Variants in SAMD12 observed in about 807,000 individuals in gnomAD.
SAMD12 encodes sterile alpha motif domain containing 12.
A neutral mutation model predicts 15.0 loss-of-function variants in SAMD12; 9 were observed. The observed-to-expected ratio is 0.60, with a 90% confidence interval of 0.36 to 1.05. SAMD12 has a LOEUF of 1.05. Among genes scored for constraint, SAMD12 ranks in the 50% least tolerant of loss-of-function variants. The probability of loss-of-function intolerance (pLI) is 0.01; values close to 1 mark genes in which losing one functional copy is unlikely to be tolerated. For missense variants in SAMD12, 230 were observed against 234.2 expected, an observed-to-expected ratio of 0.98 and a Z score of 0.12; for synonymous variants, 86 against 90.1, an observed-to-expected ratio of 0.96 and a Z score of 0.25.
At chr8:118,480,126 C>G (rs574086911) in intron 2 of SAMD12, among the ~76,000 whole-genome samples, 12 of 152,198 alleles carry the variant, frequency 7.9e-5, no homozygotes, top group Non-Finnish European at 1.3e-4. Context: ...ATGGTTTTCT[C>G]TTTCATTCCA....
the SAMD12 span, among the ~76,000 whole-genome samples, chr8:118,180,059 CG>C: frequency 6.6e-6 from 1 of 152,164 alleles, no homozygotes; most frequent in Non-Finnish European, 1.5e-5. Context: ...CTCCCTCGGC[CG>C]GACTCAGTGC....
chr8:118,561,675 C>G (rs1478691114), intron 2 of SAMD12, among the ~76,000 whole-genome samples: 1 of 152,176 alleles, frequency 6.6e-6, no homozygotes, highest in African/African-American at 2.4e-5. Context: ...AGATAACCAT[C>G]CCCATGATTC....
chr8:118,580,671 G>A (rs751747854), intron 2 of SAMD12, 44 bp downstream of exon 2: 4 of 1,438,626 alleles, frequency 2.8e-6, no homozygotes, highest in Non-Finnish European at 2.9e-6. Context: ...ACATATAAAG[G>A]CTGCAGCTTT....
At chr8:118,143,705 G>A in the SAMD12 span, among the ~76,000 whole-genome samples, 1 of 152,108 alleles carries the variant, frequency 6.6e-6, no homozygotes, top group Non-Finnish European at 1.5e-5. Flanking sequence ...TTCTAGGCAC[G>A]GGCAAAGTGA....
intron 2 of SAMD12, among the ~76,000 whole-genome samples, chr8:118,538,988 T>A (rs907431421): frequency 6.6e-6 from 1 of 152,184 alleles, no homozygotes; most frequent in African/African-American, 2.4e-5. Flanking sequence ...ATTTCAGAGG[T>A]AGCAAATTAC....
At chr8:118,339,506 A>C (rs1817244101) in intron 4 of SAMD12, among the ~76,000 whole-genome samples, 1 of 152,232 alleles carries the variant, frequency 6.6e-6, no homozygotes, top group African/African-American at 2.4e-5. Context: ...ATCTCTGTTA[A>C]AAAATCAAGC....
chr8:118,474,501 C>T (rs1488553465), intron 2 of SAMD12, among the ~76,000 whole-genome samples: 1 of 152,080 alleles, frequency 6.6e-6, no homozygotes, highest in African/African-American at 2.4e-5. Context: ...CTACCTCAGC[C>T]TCCCGAGTAG....
At chr8:118,369,799 A>C (rs1158788070) in intron 4 of SAMD12, among the ~76,000 whole-genome samples, 2 of 152,154 alleles carry the variant, frequency 1.3e-5, no homozygotes, top group Non-Finnish European at 2.9e-5. Flanking sequence ...TAAATGTAAA[A>C]TCCCAAACTA....
chr8:118,548,792 ACGG>A (rs1826221616), intron 2 of SAMD12, among the ~76,000 whole-genome samples: 1 of 152,210 alleles, frequency 6.6e-6, no homozygotes, highest in Admixed American at 6.5e-5. Context: ...GGGGTGACAG[ACGG>A]CACCTGGAAA....
chr8:118,581,751 T>C (rs987960961), intron 1 of SAMD12, among the ~76,000 whole-genome samples: 9 of 152,202 alleles, frequency 5.9e-5, no homozygotes, highest in Admixed American at 2.0e-4. Flanking sequence ...TAAACCACCA[T>C]GTATGTCTGT....
the SAMD12 span, among the ~76,000 whole-genome samples, chr8:118,154,006 A>G: frequency 6.6e-6 from 1 of 151,968 alleles, no homozygotes; most frequent in Non-Finnish European, 1.5e-5. Context: ...TGCTGCAGTG[A>G]CCCTAACTGA....
intron 4 of SAMD12, among the ~76,000 whole-genome samples, chr8:118,234,625 C>T (rs1238080606): frequency 2.0e-5 from 3 of 146,470 alleles, no homozygotes; most frequent in Admixed American, 7.0e-5. Context: ...GTAGGAGAAT[C>T]ACTTGAACCC....
intron 2 of SAMD12, among the ~76,000 whole-genome samples, chr8:118,556,730 C>T (rs1233257519): frequency 1.3e-5 from 2 of 151,636 alleles, no homozygotes; most frequent in Non-Finnish European, 2.9e-5. Context: ...TTTGGGAGGC[C>T]GAGGCGGGCG....
At chr8:118,407,487 A>T (rs931233547) in intron 3 of SAMD12, among the ~76,000 whole-genome samples, 1 of 152,212 alleles carries the variant, frequency 6.6e-6, no homozygotes, top group Admixed American at 6.5e-5. Flanking sequence ...TCACACAATG[A>T]TCAAGTAAAC....
chr8:118,438,432 C>T (rs2130885492), intron 3 of SAMD12, among the ~76,000 whole-genome samples: 1 of 150,542 alleles, frequency 6.6e-6, no homozygotes, highest in Admixed American at 6.6e-5. Context: ...TTTTTTTAAT[C>T]AATCAAGTTT....
At chr8:118,558,269 T>C (rs1281618704) in intron 2 of SAMD12, among the ~76,000 whole-genome samples, 1 of 152,210 alleles carries the variant, frequency 6.6e-6, no homozygotes, top group African/African-American at 2.4e-5. Flanking sequence ...AGATTCTTTA[T>C]TTTGTTATTC....
At chr8:118,442,405 A>C (rs1001414556) in intron 2 of SAMD12, among the ~76,000 whole-genome samples, 2 of 152,242 alleles carry the variant, frequency 1.3e-5, no homozygotes, top group Non-Finnish European at 2.9e-5. Context: ...CTAATCAAAC[A>C]TGCCTGCAGC....
chr8:118,507,142 A>G (rs112285332), intron 2 of SAMD12, among the ~76,000 whole-genome samples: 3,570 of 152,068 alleles, frequency 0.023, 109 homozygotes, highest in African/African-American at 0.076. Flanking sequence ...ACGCAGTCAC[A>G]CTGAGCACCT....
intron 1 of SAMD12, among the ~76,000 whole-genome samples, chr8:118,582,973 T>C (rs977374172): frequency 2.6e-5 from 4 of 152,128 alleles, no homozygotes; most frequent in African/African-American, 9.7e-5. Context: ...GGTCCCTTTG[T>C]AGCATCTAGA....
Sources: allele counts gnomAD v4.1 joint callset (sites outside exome capture counted in the v4.1 genomes callset), GRCh38; gene constraint gnomAD v4.1.1; transcripts MANE v1.5; gene names NCBI Gene and HGNC (gene_info 2026-07-23, HGNC 2026-07-21).